The following GSE1 variants were observed in gnomAD, a reference collection of about 807,000 sequenced individuals.
GSE1 encodes Gse1 coiled-coil protein.
Under a neutral mutation model 112.6 loss-of-function variants are expected in GSE1, and 32 were observed. The observed-to-expected ratio is 0.28, with a 90% CI of 0.21 to 0.38. The LOEUF is 0.38. Ranked by LOEUF, GSE1 falls within the 10% of genes least tolerant of loss-of-function variation. The pLI is 1.00. For synonymous variants in GSE1, 1,115 were observed against 735.6 expected, an observed-to-expected ratio of 1.52 and a Z score of -8.35; for missense variants, 2,348 against 1,699.2, an observed-to-expected ratio of 1.38 and a Z score of -6.71.
chr16:85,607,391 G>C (rs1310830501), upstream of GSE1, among the ~76,000 whole-genome samples: 2 of 152,196 alleles, frequency 1.3e-5, no homozygotes, highest in Non-Finnish European at 2.9e-5. Flanking sequence ...CGGTGGCGGC[G>C]TCCCCATTCA....
intron 2 of GSE1, among the ~76,000 whole-genome samples, chr16:85,493,809 A>AG (rs1555521319): frequency 1.3e-5 from 2 of 151,522 alleles, no homozygotes; most frequent in Non-Finnish European, 2.9e-5. Flanking sequence ...AAAAAAAAAA[A>AG]GCCAGCTGTG....
chr16:85,535,366 G>C (rs2044290041), intron 2 of GSE1, among the ~76,000 whole-genome samples: 2 of 152,190 alleles, frequency 1.3e-5, no homozygotes, highest in Admixed American at 6.5e-5. Context: ...CGGGGGGTAT[G>C]AGATTCTCCC....
chr16:85,399,257 G>A (rs1222069305), intron 2 of GSE1, among the ~76,000 whole-genome samples: 1 of 152,108 alleles, frequency 6.6e-6, no homozygotes, highest in Admixed American at 6.5e-5. Context: ...CTGCACCCAT[G>A]GTAGGCTGCC....
intron 1 of GSE1, among the ~76,000 whole-genome samples, chr16:85,193,531 C>A (rs1186514914): frequency 6.6e-6 from 1 of 152,136 alleles, no homozygotes; most frequent in Non-Finnish European, 1.5e-5. Context: ...GTGACCTCAG[C>A]TCACTGCAAC....
At chr16:85,449,320 G>T (rs946937953) in intron 2 of GSE1, among the ~76,000 whole-genome samples, 1 of 152,220 alleles carries the variant, frequency 6.6e-6, no homozygotes, top group African/African-American at 2.4e-5. Context: ...ATGGTTCTGG[G>T]CCTGGAAGGG....
At chr16:85,233,762 G>T (rs776169805) in intron 1 of GSE1, among the ~76,000 whole-genome samples, 70 of 152,290 alleles carry the variant, frequency 4.6e-4, no homozygotes, top group Middle Eastern at 6.8e-3. Context: ...AGACGCTCCT[G>T]GCAGGTTCTC....
chr16:85,397,533 C>T (rs1490439383), intron 2 of GSE1, among the ~76,000 whole-genome samples: 1 of 152,214 alleles, frequency 6.6e-6, no homozygotes, highest in African/African-American at 2.4e-5. Context: ...TGTCTGCCCC[C>T]CGCCGCTGCC....
chr16:85,534,334 C>A (rs1038071766), intron 2 of GSE1, among the ~76,000 whole-genome samples: 1 of 152,080 alleles, frequency 6.6e-6, no homozygotes, highest in African/African-American at 2.4e-5. Flanking sequence ...GTTGGCCAGG[C>A]TGGTCTTGAA....
chr16:85,648,063 G>T (rs2051029261), intron 2 of GSE1, among the ~76,000 whole-genome samples: 1 of 151,980 alleles, frequency 6.6e-6, no homozygotes, highest in African/African-American at 2.4e-5. Context: ...GCCTCTCGGT[G>T]GGGCAGGGTG....
At chr16:85,581,814 G>A (rs1025581082) in intron 1 of GSE1, among the ~76,000 whole-genome samples, 1 of 152,172 alleles carries the variant, frequency 6.6e-6, no homozygotes, top group Non-Finnish European at 1.5e-5. Context: ...CAGGGCTGCG[G>A]CTTCCCCTGC....
chr16:85,311,951 G>A lies in GSE1; in HGVS notation c.2284-45512G>A, dbSNP rs1008957801. Among the ~76,000 whole-genome samples the A allele has an allele frequency of 2.6e-5, 4 of 152,236 alleles. No homozygotes were observed. The highest frequency in any genetic ancestry group is 9.6e-5 in the African/African-American group (4 of 41,552). On this transcript the variant is annotated intron_variant, in intron 1 of 2. Coordinates refer to the GSE1 transcript ENST00000637419. The surrounding 1 kb of genome is among the most constrained non-coding windows in gnomAD (Gnocchi z 4.2). ...CCCAGCACTGCCCAGCCCCAGCCCC[G>A]CACCACTGTCCTCATGTCTGGAGAT...
intron 2 of GSE1, among the ~76,000 whole-genome samples, chr16:85,519,101 C>G (rs1034239433): frequency 6.6e-6 from 1 of 152,210 alleles, no homozygotes; most frequent in Non-Finnish European, 1.5e-5. Flanking sequence ...GAAGCCACTA[C>G]CTCATAGGGA....
intron 2 of GSE1, among the ~76,000 whole-genome samples, chr16:85,407,287 C>T (rs547570859): frequency 2.1e-5 from 1 of 47,210 alleles, no homozygotes; most frequent in Non-Finnish European, 3.5e-5. Flanking sequence ...ATAATCCTCA[C>T]TGTTACACTC....
chr16:85,396,922 A>G (rs1018456729), intron 2 of GSE1, among the ~76,000 whole-genome samples: 1 of 152,206 alleles, frequency 6.6e-6, no homozygotes, highest in Admixed American at 6.5e-5. Flanking sequence ...TGAGATGGTC[A>G]TGGAGAGAGA....
At chr16:85,653,732 C>T (rs1479107645) in intron 3 of GSE1, among the ~76,000 whole-genome samples, 2 of 152,176 alleles carry the variant, frequency 1.3e-5, no homozygotes, top group African/African-American at 4.8e-5. Flanking sequence ...AGACCAGCAC[C>T]TTCGGCCCAG....
At position 85,339,181 on chromosome 16, in the gene GSE1, A is replaced by G. The variant is rs538865874; in HGVS notation, c.2284-18282A>G. Among the ~76,000 whole-genome samples the G allele has an allele frequency of 3.5e-4, 54 of 152,250 alleles. No individual in the cohort carries two copies. In the East Asian group the frequency reaches 0.01, roughly 28 times the overall value. ...CAGCCAGGCCAGTAGCCAGGCCCGT[A>G]GTAGTTCTCATGGCTATTTTACGTG... is the stretch of plus-strand genomic sequence containing the variant. On this transcript the variant is annotated intron_variant, in intron 1 of 2. Transcript: ENST00000637419.
Position 85,673,322 on chromosome 16 carries a change from CTG to C in GSE1, c.*787_*788del, listed in dbSNP as rs967526652. On this transcript the variant is annotated 3_prime_UTR_variant, in exon 16 of 16. Transcript: ENST00000253458. The stretch of plus-strand genomic sequence containing the variant: ...AAGTCAAAGGTGCTTCAGCCTTGTA[CTG>C]TGTATATATATTAAAAAAAAAACAA... 6.6e-6 allele frequency: 1 copy of C among 151,762 alleles called. No individual in the cohort carries two copies. The highest frequency in any genetic ancestry group is 1.5e-5 in the Non-Finnish European group (1 of 67,932). 9.4% of individuals were successfully genotyped at this position (151,762 alleles called of 1,614,324 possible). A position where few individuals can be genotyped will look rare whatever the true frequency, so the allele number is the denominator to read the frequency against.
intron 1 of GSE1, among the ~76,000 whole-genome samples, chr16:85,599,729 C>T (rs1036208890): frequency 1.3e-5 from 2 of 152,226 alleles, no homozygotes; most frequent in African/African-American, 4.8e-5. Context: ...CTTTCTCCTT[C>T]TCTCCCTCTT....
chr16:85,186,161 C>A (rs1218375867), intron 1 of GSE1, among the ~76,000 whole-genome samples: 2 of 152,212 alleles, frequency 1.3e-5, no homozygotes, highest in African/African-American at 4.8e-5. Context: ...CCTGATTTCA[C>A]ATTTCACATA....
Sources: gnomAD v4.1 joint callset for allele counts (sites outside exome capture counted in the v4.1 genomes callset) on GRCh38, gnomAD v4.1.1 for gene constraint, Gnocchi (gnomAD v3.1) non-coding constraint, MANE v1.5 for transcripts, NCBI Gene and HGNC (gene_info 2026-07-23, HGNC 2026-07-21) for gene names.